The following CNOT11 variants were observed in gnomAD, a reference collection of about 807,000 sequenced individuals.
The protein encoded by CNOT11 is UPF0760 protein C2orf29.
In CNOT11, 18 loss-of-function variants were observed where a neutral mutation model predicts 44.6. The ratio of observed to expected loss-of-function variants is 0.40; its 90% confidence interval spans 0.28 to 0.60. CNOT11 has a LOEUF of 0.60. Ranked by LOEUF, CNOT11 falls within the 20% of genes least tolerant of loss-of-function variation. The pLI is 0.38. For missense variants in CNOT11, 513 were observed against 677.0 expected (o/e 0.76, Z 2.69); for synonymous variants, 291 against 270.9 (o/e 1.07, Z -0.73).
chr2:101,268,761 A>G (rs1682048013), intron 5 of CNOT11, among the ~76,000 whole-genome samples: 2 of 152,234 alleles, frequency 1.3e-5, no homozygotes, highest in African/African-American at 4.8e-5. Flanking sequence ...TTCCAATAAC[A>G]GACCATGACT....
chr2:101,266,579 T>C lies in CNOT11; in HGVS notation c.1036-98T>C. 8 of 885,864 alleles carry C rather than the reference T, an allele frequency of 9.0e-6. 1 individual carries two copies. In the South Asian group the frequency reaches 1.2e-4, roughly 13 times the overall value. The allele number at this position is 885,864 out of a possible 1,614,324, so 54.9% of individuals were successfully genotyped here. ...TTCAATGCAGATAGTTTTGTAGCTT[T>C]TTGTATAAAATGCTTATTTCATATA... On this transcript the variant is annotated intron_variant, in intron 4 of 6. Coordinates refer to ENST00000289382, the MANE Select transcript of CNOT11 (RefSeq NM_017546.5).
chr2:101,269,282 C>G lies in CNOT11; in HGVS notation c.1402C>G (p.Gln468Glu). ...GATCCGTAACAAAATTATTAATGTACAGGATTTGTTTATAGAAGTGCAGGC... is the reference window on the plus strand; with the variant it reads ...GATCCGTAACAAAATTATTAATGTAGAGGATTTGTTTATAGAAGTGCAGGC... ...SLIRNKIINV[Q>E]DLFIEVQAFC... is the part of the protein sequence containing the mutation. The change falls in exon 7 of 7, where the codon CAG becomes GAG. Residue 468 changes from glutamine to glutamate, a missense_variant. Around this residue, in one of 4 missense-constraint regions of CNOT11, gnomAD observed 87 missense variants for 185.4 expected, o/e 0.47. Coordinates refer to ENST00000289382, the MANE Select transcript of CNOT11 (RefSeq NM_017546.5). This position sits in a 1 kb window ranked among gnomAD's most constrained non-coding sequence, Gnocchi z 4.8. The G allele has an allele frequency of 6.2e-7, 1 of 1,613,338 alleles. No homozygotes were observed.
At chr2:101,267,192 A>G (rs1390009356) in intron 5 of CNOT11, among the ~76,000 whole-genome samples, 1 of 152,090 alleles carries the variant, frequency 6.6e-6, no homozygotes, top group Non-Finnish European at 1.5e-5. Context: ...GCGTGATCTC[A>G]GCTCACTGCA....
chr2:101,262,540 A>C lies in CNOT11; in HGVS notation c.681A>C (p.Glu227Asp). The part of the protein sequence containing the change: ...DISGLQLALA[E>D]RQSELPTQSK... ...TTTTAAAATGTCTCCTATTTCCAGA[A>C]CGCCAATCTGAATTGCCAACGCAAA... is the stretch of plus-strand genomic sequence containing the variant. Residue 227 changes from glutamate (E) to aspartate (D), a missense_variant and splice_region_variant, in exon 3 of 7, where the codon GAA becomes GAC. Around this residue, in one of 4 missense-constraint regions of CNOT11, gnomAD observed 140 missense variants for 169.8 expected, o/e 0.82. Coordinates refer to ENST00000289382, the MANE Select transcript of CNOT11 (RefSeq NM_017546.5). 1 of 1,613,752 alleles carries C rather than the reference A, an allele frequency of 6.2e-7. No individual in the cohort carries two copies. The highest frequency in any genetic ancestry group is 8.5e-7 in the Non-Finnish European group (1 of 1,179,860).
intron 4 of CNOT11, among the ~76,000 whole-genome samples, chr2:101,266,104 A>T (rs1681976009): frequency 6.6e-6 from 1 of 152,214 alleles, no homozygotes; most frequent in East Asian, 1.9e-4. Context: ...CTTCATAGAA[A>T]AAGTCCTTTG....
At chr2:101,255,562 G>A (rs1227383720) in intron 1 of CNOT11, among the ~76,000 whole-genome samples, 1 of 152,132 alleles carries the variant, frequency 6.6e-6, no homozygotes, top group Non-Finnish European at 1.5e-5. Flanking sequence ...TAGGGATGGT[G>A]TGTAGATAAC....
intron 1 of CNOT11, among the ~76,000 whole-genome samples, chr2:101,256,680 G>A (rs886763350): frequency 9.9e-5 from 15 of 152,202 alleles, no homozygotes; most frequent in African/African-American, 3.1e-4. Flanking sequence ...AAGCATTTCC[G>A]AGCACTATAG....
At position 101,269,738 on chromosome 2, in the gene CNOT11, C is replaced by T. The variant is rs775353482; in HGVS notation, c.*325C>T. ...AAAATGCATTTTTCATTAATACAGG[C>T]TTCTGATGAACCAGGAATCCTGTTT... On this transcript the variant is annotated 3_prime_UTR_variant, in exon 7 of 7. Coordinates refer to ENST00000289382, the MANE Select transcript of CNOT11 (RefSeq NM_017546.5). The surrounding 1 kb of genome is among the most constrained non-coding windows in gnomAD (Gnocchi z 4.8). 5.1e-6 allele frequency: 1 copy of T among 195,818 alleles called. No individual in the cohort carries two copies. Among genetic ancestry groups the T allele is most frequent in the African/African-American group, 2.3e-5 (1 of 42,820 alleles). 12.1% of individuals were successfully genotyped at this position (195,818 alleles called of 1,614,324 possible).
chr2:101,268,199 TC>T (rs200662624), intron 5 of CNOT11, among the ~76,000 whole-genome samples: 1 of 125,270 alleles, frequency 8.0e-6, no homozygotes, highest in African/African-American at 2.7e-5. Flanking sequence ...GCTGCACATC[TC>T]CCCCCTCTTT....
At chr2:101,262,476 T>C in intron 2 of CNOT11, 63 bp from the exon 3 acceptor site, 2 of 1,484,252 alleles carry the variant, frequency 1.3e-6, no homozygotes. Context: ...TTGCCTCAGT[T>C]GGTAGCTTGT....
chr2:101,267,370 A>T (rs1341548148), intron 5 of CNOT11, among the ~76,000 whole-genome samples: 1 of 152,074 alleles, frequency 6.6e-6, no homozygotes, highest in African/African-American at 2.4e-5. Flanking sequence ...TGATCTGCCC[A>T]CCTCAGCCTC....
rs1317236949 is a variant in CNOT11 at position 101,253,901 on chromosome 2, C to T, written c.514+423C>T. On this transcript the variant is annotated intron_variant, in intron 1 of 6. Coordinates refer to ENST00000289382, the MANE Select transcript of CNOT11 (RefSeq NM_017546.5). The surrounding 1 kb of genome is among the most constrained non-coding windows in gnomAD (Gnocchi z 4.3). The stretch of plus-strand genomic sequence containing the variant: ...TTAAGAAGCTGAAGAAGTTGGTGGG[C>T]GGAAATACACATGAAACACCTTAAA... Among the ~76,000 whole-genome samples the T allele has an allele frequency of 6.6e-6, 1 of 152,090 alleles. No homozygotes were observed. Among genetic ancestry groups the T allele is most frequent in the East Asian group, 1.9e-4 (1 of 5,186 alleles).
At chr2:101,267,282 C>T (rs917341092) in intron 5 of CNOT11, among the ~76,000 whole-genome samples, 2 of 151,940 alleles carry the variant, frequency 1.3e-5, no homozygotes, top group African/African-American at 4.8e-5. Flanking sequence ...GCTACCACAC[C>T]CGACTAATTT....
intron 4 of CNOT11, 82 bp from the exon 5 acceptor site, chr2:101,266,595 A>AT: frequency 9.6e-7 from 1 of 1,042,934 alleles, no homozygotes; most frequent in Non-Finnish European, 1.5e-6. Context: ...TAAAATGCTT[A>AT]TTTCATATAC....
At chr2:101,264,174 CA>C (rs1681926692) in intron 3 of CNOT11, among the ~76,000 whole-genome samples, 1 of 152,182 alleles carries the variant, frequency 6.6e-6, no homozygotes, top group South Asian at 2.1e-4. Flanking sequence ...AAGTCCTAGC[CA>C]GCATTTATTT....
At chr2:101,262,948 G>T (rs779744517) in intron 3 of CNOT11, among the ~76,000 whole-genome samples, 5 of 152,124 alleles carry the variant, frequency 3.3e-5, no homozygotes, top group Admixed American at 6.6e-5. Flanking sequence ...CAGGCTGGGC[G>T]CAGTGGCTCA....
At chr2:101,255,916 T>G (rs765935069) in intron 1 of CNOT11, among the ~76,000 whole-genome samples, 1 of 152,092 alleles carries the variant, frequency 6.6e-6, no homozygotes, top group Non-Finnish European at 1.5e-5. Flanking sequence ...GGCAGGCAGA[T>G]CACTTGAGGC....
chr2:101,253,385 G>A lies in CNOT11; in HGVS notation c.421G>A (p.Ala141Thr). ...LWEMYRTEPL[A>T]ANPFAASFAH... ...GGAGATGTACCGCACCGAGCCGCTG[G>A]CCGCCAACCCCTTCGCCGCCAGCTT... The change falls in exon 1 of 7, where the codon GCC (alanine) becomes ACC (threonine). Residue 141 changes from alanine to threonine, a missense_variant. Physicochemically the swap from Ala to Thr is moderately conservative, Grantham distance 58. Transcript: ENST00000289382. This position sits in a 1 kb window ranked among gnomAD's most constrained non-coding sequence, Gnocchi z 4.3. The A allele has an allele frequency of 6.3e-7, 1 of 1,592,172 alleles. No individual in the cohort carries two copies. Among genetic ancestry groups the A allele is most frequent in the Non-Finnish European group, 8.5e-7 (1 of 1,176,086 alleles).
At chr2:101,255,995 C>A (rs1681728738) in intron 1 of CNOT11, among the ~76,000 whole-genome samples, 1 of 151,996 alleles carries the variant, frequency 6.6e-6, no homozygotes, top group Non-Finnish European at 1.5e-5. Flanking sequence ...AAAAATTAGC[C>A]CGGCATGATG....
Sources: allele counts gnomAD v4.1 joint callset (sites outside exome capture counted in the v4.1 genomes callset), GRCh38; gene constraint gnomAD v4.1.1; regional missense constraint gnomAD v4.1.1; non-coding constraint Gnocchi (gnomAD v3.1); transcripts MANE v1.5; gene names NCBI Gene and HGNC (gene_info 2026-07-23, HGNC 2026-07-21).